Variants in SLC36A1 observed in about 807,000 individuals in gnomAD.
SLC36A1 encodes the protein proton-coupled amino acid transporter 1.
SLC36A1 carries 30 observed loss-of-function variants against 47.5 expected under a neutral mutation model. That is an observed-to-expected ratio of 0.63 (90% CI 0.47 to 0.86). SLC36A1 has a LOEUF of 0.86. Ranked by LOEUF, SLC36A1 falls within the 40% of genes least tolerant of loss-of-function variation. The pLI is 0.00. For synonymous variants in SLC36A1, 255 were observed against 249.7 expected (o/e 1.02, Z -0.20); for missense variants, 517 against 606.0 (o/e 0.85, Z 1.54).
chr5:151,455,183 G>A (rs1042640896), intron 1 of SLC36A1, among the ~76,000 whole-genome samples: 1 of 152,104 alleles, frequency 6.6e-6, no homozygotes, highest in Admixed American at 6.5e-5. Flanking sequence ...GGATGGAGCC[G>A]AGGTCCACTT....
intron 1 of SLC36A1, among the ~76,000 whole-genome samples, chr5:151,454,139 G>T (rs1176318292): frequency 3.5e-5 from 4 of 114,208 alleles, no homozygotes; most frequent in Non-Finnish European, 6.7e-5. Flanking sequence ...TTTTTACTCA[G>T]TTGCTCACTC....
At chr5:151,521,526 A>G in the SLC36A1 span, 1 of 1,614,216 alleles carries the variant, frequency 6.2e-7, no homozygotes, top group Non-Finnish European at 8.5e-7. Context: ...AGGTTCCAGA[A>G]TGCCCCTCAA....
the SLC36A1 span, chr5:151,512,035 C>A: frequency 1.3e-6 from 1 of 783,196 alleles, no homozygotes; most frequent in Non-Finnish European, 2.0e-6. This position sits in a 1 kb window ranked among gnomAD's most constrained non-coding sequence, Gnocchi z 4.1. Context: ...CAACCTGTTA[C>A]TCACAAGTTA....
chr5:151,502,036 G>T, the SLC36A1 span, among the ~76,000 whole-genome samples: 2 of 148,412 alleles, frequency 1.3e-5, 1 homozygote, highest in Admixed American at 1.3e-4. Context: ...AGTAGGGCAG[G>T]TGCGGTGGCT....
the SLC36A1 span, among the ~76,000 whole-genome samples, chr5:151,388,694 C>T: frequency 4.6e-5 from 7 of 151,964 alleles, no homozygotes; most frequent in East Asian, 7.8e-4. Context: ...TGACTCTTTT[C>T]GTCAACACTT....
chr5:151,384,651 T>A, the SLC36A1 span, among the ~76,000 whole-genome samples: 1 of 152,212 alleles, frequency 6.6e-6, no homozygotes, highest in Non-Finnish European at 1.5e-5. Context: ...GCAAAACTAT[T>A]CCTCTCTTGG....
the SLC36A1 span, among the ~76,000 whole-genome samples, chr5:151,363,954 A>G: frequency 6.6e-6 from 1 of 152,202 alleles, no homozygotes; most frequent in South Asian, 2.1e-4. Flanking sequence ...AGCTCACCAC[A>G]ATGGCAACAG....
chr5:151,452,030 A>G (rs1192077274), intron 1 of SLC36A1, among the ~76,000 whole-genome samples: 2 of 152,062 alleles, frequency 1.3e-5, no homozygotes, highest in African/African-American at 4.8e-5. Context: ...CTGGAGCTTG[A>G]CCTTCTCTAA....
the SLC36A1 span, among the ~76,000 whole-genome samples, chr5:151,407,823 T>A: frequency 1.3e-5 from 2 of 152,066 alleles, no homozygotes; most frequent in East Asian, 3.8e-4. Flanking sequence ...AGAAGGAAGG[T>A]CCTTAGAAAT....
At chr5:151,521,692 C>T in the SLC36A1 span, 3 of 1,613,996 alleles carry the variant, frequency 1.9e-6, no homozygotes, top group South Asian at 3.3e-5. Flanking sequence ...CTGGTAGAAG[C>T]CCATCCACAT....
chr5:151,497,662 CAG>C, the SLC36A1 span, among the ~76,000 whole-genome samples: 1 of 152,152 alleles, frequency 6.6e-6, no homozygotes, highest in East Asian at 1.9e-4. Context: ...TTCTTTAGGA[CAG>C]AGTTTCTTTA....
At chr5:151,465,934 C>G (rs1756293515) in intron 5 of SLC36A1, among the ~76,000 whole-genome samples, 1 of 120,552 alleles carries the variant, frequency 8.3e-6, no homozygotes, top group African/African-American at 3.3e-5. Context: ...CTATCAAGGG[C>G]TAAAAATTCT....
upstream of SLC36A1, among the ~76,000 whole-genome samples, chr5:151,443,650 G>A (rs933159865): frequency 6.6e-6 from 1 of 152,118 alleles, no homozygotes; most frequent in Non-Finnish European, 1.5e-5. Context: ...CCTTTGCTGT[G>A]CAGAAGCTTC....
At chr5:151,493,123 A>G (rs1760236260), downstream of SLC36A1, among the ~76,000 whole-genome samples, 1 of 152,248 alleles carries the variant, frequency 6.6e-6, no homozygotes, top group Non-Finnish European at 1.5e-5. Flanking sequence ...ATTTCAGGAC[A>G]GGACAATGGA....
chr5:151,488,410 C>A lies in SLC36A1; in HGVS notation c.*156C>A. On this transcript the variant is annotated 3_prime_UTR_variant, in exon 11 of 11. Coordinates refer to ENST00000243389, the MANE Select transcript of SLC36A1 (RefSeq NM_078483.4). ...CACCTGGATACCCTGGGCCAGGTAACCTGAGGGCAGGGGAGAGGTGGGGTG... is the reference window on the plus strand; with the variant it reads ...CACCTGGATACCCTGGGCCAGGTAAACTGAGGGCAGGGGAGAGGTGGGGTG... 2 of 974,678 alleles carry A rather than the reference C, an allele frequency of 2.1e-6. No homozygotes were observed. The highest frequency in any genetic ancestry group is 3.0e-6 in the Non-Finnish European group (2 of 672,828). 60.4% of individuals were successfully genotyped at this position (974,678 alleles called of 1,614,324 possible).
At chr5:151,551,631 A>G in the SLC36A1 span, 1 of 1,613,390 alleles carries the variant, frequency 6.2e-7, no homozygotes, top group African/African-American at 1.3e-5. Context: ...GGGAGAAAGC[A>G]CACACAACCT....
chr5:151,388,277 G>A, the SLC36A1 span, among the ~76,000 whole-genome samples: 436 of 152,140 alleles, frequency 2.9e-3, 4 homozygotes, highest in African/African-American at 9.9e-3. Flanking sequence ...CGAGGTGGGC[G>A]GATCACCTGA....
At chr5:151,413,866 C>T in the SLC36A1 span, among the ~76,000 whole-genome samples, 2 of 151,806 alleles carry the variant, frequency 1.3e-5, no homozygotes, top group East Asian at 1.9e-4. Flanking sequence ...TATTTATACA[C>T]GTATATATAT....
At chr5:151,503,383 A>C in the SLC36A1 span, among the ~76,000 whole-genome samples, 1 of 148,288 alleles carries the variant, frequency 6.7e-6, no homozygotes, top group Non-Finnish European at 1.5e-5. Context: ...CTGCTCTAAA[A>C]AAATTCTCTT....
Sources: gnomAD v4.1 joint callset for allele counts (sites outside exome capture counted in the v4.1 genomes callset) on GRCh38, gnomAD v4.1.1 for gene constraint, Gnocchi (gnomAD v3.1) non-coding constraint, MANE v1.5 for transcripts, NCBI Gene and HGNC (gene_info 2026-07-23, HGNC 2026-07-21) for gene names.